Variants in POC1A observed in about 807,000 individuals in gnomAD.
The protein encoded by POC1A is POC1 centriolar protein A.
A neutral mutation model predicts 47.8 loss-of-function variants in POC1A; 34 were observed. The observed-to-expected ratio is 0.71, with a 90% confidence interval of 0.54 to 0.95. The LOEUF is 0.95. POC1A is among the 40% of genes least tolerant of loss of function. POC1A has a pLI of 0.00. For synonymous variants in POC1A, 177 were observed against 207.6 expected (o/e 0.85, Z 1.27); for missense variants, 466 against 528.3 (o/e 0.88, Z 1.16).
intron 7 of POC1A, among the ~76,000 whole-genome samples, chr3:52,136,926 G>C (rs1031446443): frequency 6.6e-6 from 1 of 152,224 alleles, no homozygotes; most frequent in Admixed American, 6.5e-5. Flanking sequence ...AACTGTTTCT[G>C]AGTTTTGTTT....
intron 6 of POC1A, among the ~76,000 whole-genome samples, chr3:52,142,604 A>G (rs1265897252): frequency 2.6e-5 from 4 of 152,310 alleles, no homozygotes; most frequent in Admixed American, 6.5e-5. Context: ...TCCTCTCACA[A>G]GAGCCCATCA....
In POC1A at chr3:52,096,445, G is replaced by A. The variant is rs568125505; in HGVS notation, c.1125+124C>T. The A allele has an allele frequency of 8.3e-5, 72 of 868,704 alleles. 1 individual carries two copies. The South Asian group carries it at 1.3e-3, about 16-fold the overall frequency. 53.8% of individuals were successfully genotyped at this position (868,704 alleles called of 1,614,324 possible). A position where few individuals can be genotyped will look rare whatever the true frequency, so the allele number is the denominator to read the frequency against. ...CTCTGCAATGTCATTAATATGGACT[G>A]GAAAACAGGTCCGTTATAATTATGT... On this transcript the variant is annotated intron_variant, in intron 10 of 10. Transcript: ENST00000296484.
At chr3:52,077,473 T>C (rs1702153424) in intron 10 of POC1A, among the ~76,000 whole-genome samples, 1 of 152,232 alleles carries the variant, frequency 6.6e-6, no homozygotes, top group Non-Finnish European at 1.5e-5. Context: ...CAATCAGGGC[T>C]GTGAGGGCTC....
At chr3:52,143,078 G>A (rs747233219) in intron 6 of POC1A, among the ~76,000 whole-genome samples, 25 of 152,056 alleles carry the variant, frequency 1.6e-4, no homozygotes, top group Non-Finnish European at 3.4e-4. Flanking sequence ...AGGGGGAACC[G>A]GCTGTGTTTA....
chr3:52,080,017 T>C (rs910634855), intron 10 of POC1A, among the ~76,000 whole-genome samples: 1 of 152,180 alleles, frequency 6.6e-6, no homozygotes, highest in African/African-American at 2.4e-5. Context: ...ACCCTGATCA[T>C]TGACCCTCTG....
intron 8 of POC1A, among the ~76,000 whole-genome samples, chr3:52,122,876 T>C (rs1015166126): frequency 6.6e-6 from 1 of 152,278 alleles, no homozygotes; most frequent in Non-Finnish European, 1.5e-5. Context: ...ATTTCCTTCA[T>C]AGCATCAGAG....
Position 52,096,697 on chromosome 3 carries a change from G to A in POC1A, c.997C>T (p.Pro333Ser). ...SMGNLPEVDF[P>S]VPPGRGRSVE... ...CTCCTGCCTCTGCCTGGGGGGACAG[G>A]GAAGTCCACTTCTGGCTAAAGACAG... The change falls in exon 10 of 11, where the codon CCT becomes TCT. Residue 333 changes from proline (P) to serine (S), a missense_variant. By Grantham distance (74) the Pro-to-Ser change is moderately conservative. Transcript: ENST00000296484. 3 of 1,593,418 alleles carry A rather than the reference G, an allele frequency of 1.9e-6. No individual in the cohort carries two copies. The highest frequency in any genetic ancestry group is 2.6e-6 in the Non-Finnish European group (3 of 1,173,120).
intron 10 of POC1A, among the ~76,000 whole-genome samples, chr3:52,088,307 T>C (rs552813197): frequency 6.6e-6 from 1 of 152,262 alleles, no homozygotes; most frequent in South Asian, 2.1e-4. Context: ...TGAGCAATCA[T>C]CTTAGCGAGC....
chr3:52,140,580 C>T (rs1698159982), intron 6 of POC1A, among the ~76,000 whole-genome samples: 1 of 152,210 alleles, frequency 6.6e-6, no homozygotes, highest in African/African-American at 2.4e-5. Flanking sequence ...GAATCTCTCC[C>T]AGAAGAAGGG....
chr3:52,095,998 A>G (rs1185304809), intron 10 of POC1A, among the ~76,000 whole-genome samples: 1 of 152,280 alleles, frequency 6.6e-6, no homozygotes, highest in African/African-American at 2.4e-5. Flanking sequence ...TTTATTGAGC[A>G]GCTACCTAGG....
chr3:52,088,375 C>T (rs370263090), intron 10 of POC1A, among the ~76,000 whole-genome samples: 20 of 152,210 alleles, frequency 1.3e-4, no homozygotes, highest in East Asian at 9.6e-4. Context: ...TAATTGCTTC[C>T]CAAATGCCAT....
intron 9 of POC1A, among the ~76,000 whole-genome samples, chr3:52,102,817 A>T (rs1259118303): frequency 6.6e-6 from 1 of 152,250 alleles, no homozygotes; most frequent in Non-Finnish European, 1.5e-5. Context: ...TGTTGTAAAG[A>T]TGTCAATTTC....
In POC1A at chr3:52,101,355, G is replaced by A. The variant is rs147064358; in HGVS notation, c.982-4643C>T. On this transcript the variant is annotated intron_variant, in intron 9 of 10. Coordinates refer to ENST00000296484, the MANE Select transcript of POC1A (RefSeq NM_015426.5). Reference sequence around the variant, plus strand: ...CTTTACTGTCCTAAGCATGATGCCTGGCATTTAATAAAACATTATGAGACA... The same window carrying A: ...CTTTACTGTCCTAAGCATGATGCCTAGCATTTAATAAAACATTATGAGACA... Among the ~76,000 whole-genome samples, 600 of 147,924 alleles carry A rather than the reference G, an allele frequency of 4.1e-3. 3 individuals carry two copies. Among genetic ancestry groups the A allele is most frequent in the African/African-American group, 0.014 (566 of 39,712 alleles).
At chr3:52,086,020 G>A (rs1388025749) in intron 10 of POC1A, among the ~76,000 whole-genome samples, 2 of 152,106 alleles carry the variant, frequency 1.3e-5, no homozygotes, top group Admixed American at 6.5e-5. Flanking sequence ...ATTGATGCAC[G>A]TGGTGGTCTG....
intron 10 of POC1A, among the ~76,000 whole-genome samples, chr3:52,082,561 A>C (rs1702335805): frequency 6.6e-6 from 1 of 152,056 alleles, no homozygotes; most frequent in Non-Finnish European, 1.5e-5. Context: ...TCTGAATCCT[A>C]ATTTTTCTGC....
intron 9 of POC1A, among the ~76,000 whole-genome samples, chr3:52,110,379 C>T (rs1014445335): frequency 6.6e-6 from 1 of 152,110 alleles, no homozygotes; most frequent in Admixed American, 6.5e-5. Flanking sequence ...TAAGGATGAG[C>T]GCAACAACAC....
At chr3:52,091,540 C>T (rs6769277) in intron 10 of POC1A, among the ~76,000 whole-genome samples, 198 of 152,296 alleles carry the variant, frequency 1.3e-3, no homozygotes, top group African/African-American at 4.5e-3. Flanking sequence ...TGTCTATGTG[C>T]ACCCCAGTGC....
chr3:52,148,044 C>T (rs1489452991), intron 4 of POC1A, among the ~76,000 whole-genome samples: 2 of 152,356 alleles, frequency 1.3e-5, no homozygotes, highest in East Asian at 1.9e-4. Flanking sequence ...CTGCCCCTGA[C>T]GCACAGCACA....
At position 52,096,692 on chromosome 3, in the gene POC1A, G is replaced by T. The variant is rs573762556; in HGVS notation, c.1002C>A (p.Val334=). Residue 334 remains valine (V), a synonymous_variant, in exon 10 of 11, where the codon GTC becomes GTA. Transcript: ENST00000296484. The stretch of plus-strand genomic sequence containing the variant: ...CCACACTCCTGCCTCTGCCTGGGGG[G>T]ACAGGGAAGTCCACTTCTGGCTAAA... ...MGNLPEVDFP[V]PPGRGRSVES... 1 of 1,596,916 alleles carries T rather than the reference G, an allele frequency of 6.3e-7. No homozygotes were observed. The highest frequency in any genetic ancestry group is 8.5e-7 in the Non-Finnish European group (1 of 1,174,172).
Sources: allele counts gnomAD v4.1 joint callset (sites outside exome capture counted in the v4.1 genomes callset), GRCh38; gene constraint gnomAD v4.1.1; transcripts MANE v1.5; gene names NCBI Gene and HGNC (gene_info 2026-07-23, HGNC 2026-07-21).